Variants in RRP7A observed in about 807,000 individuals in gnomAD.
RRP7A encodes the protein ribosomal RNA processing 7 homolog A, also known as ribosomal RNA-processing protein 7 homolog A.
In RRP7A, 27 loss-of-function variants were observed where a neutral mutation model predicts 38.4. That is an observed-to-expected ratio of 0.70 (90% confidence interval 0.52 to 0.97). RRP7A has a LOEUF of 0.97. Among genes scored for constraint, RRP7A ranks in the 50% least tolerant of loss-of-function variants. The pLI, the probability that RRP7A is intolerant of heterozygous loss-of-function variation, is 0.00. For synonymous variants in RRP7A, 124 were observed against 150.3 expected, an observed-to-expected ratio of 0.83 and a Z score of 1.28; for missense variants, 327 against 375.4, an observed-to-expected ratio of 0.87 and a Z score of 1.07.
At chr22:42,519,579 A>G in intron 1 of RRP7A, 135 bp downstream of exon 1, 3 of 712,938 alleles carry the variant, frequency 4.2e-6, no homozygotes, top group Non-Finnish European at 4.1e-6. Flanking sequence ...AGACCTGCGG[A>G]GCCTGGGGCC....
At position 42,512,219 on chromosome 22, in the gene RRP7A, G is replaced by A. The variant is rs1932489066; in HGVS notation, c.*691C>T. 7.5e-6 allele frequency: 12 copies of A among 1,606,710 alleles called. No individual in the cohort carries two copies. The highest frequency in any genetic ancestry group is 2.7e-5 in the African/African-American group (2 of 74,542). ...GCTCCTTCTTACAGTGCACACACAC[G>A]CTCCCAGCCCAGCTGTAGCTCTGGG... On this transcript the variant is annotated 3_prime_UTR_variant, in exon 7 of 7. Coordinates refer to ENST00000323013, the MANE Select transcript of RRP7A (RefSeq NM_015703.5).
Position 42,512,766 on chromosome 22 carries a change from G to A in RRP7A, c.*144C>T, listed in dbSNP as rs374333098. 6 of 827,708 alleles carry A rather than the reference G, an allele frequency of 7.2e-6. No individual in the cohort carries two copies. In the East Asian group the frequency reaches 1.1e-4, roughly 15 times the overall value. 51.3% of individuals were successfully genotyped at this position (827,708 alleles called of 1,614,324 possible). A position where few individuals can be genotyped will look rare whatever the true frequency, so the allele number is the denominator to read the frequency against. On this transcript the variant is annotated 3_prime_UTR_variant, in exon 7 of 7. Coordinates refer to ENST00000323013, the MANE Select transcript of RRP7A (RefSeq NM_015703.5). ...GCCTGGTCCTTCCCTCCTGGCCTGT[G>A]TGGACTCTGATGGGGCTGTTGGACG...
At chr22:42,516,524 G>T (rs1397129257) in intron 2 of RRP7A, 1 of 362,700 alleles carries the variant, frequency 2.8e-6, no homozygotes, top group Non-Finnish European at 5.4e-6. Flanking sequence ...CGTTGGCCAG[G>T]CTGGTCTTGA....
In RRP7A at chr22:42,511,179, CTT is replaced by C. The variant is rs112453516; in HGVS notation, c.*1729_*1730del. ...CCATCATGCCCAGCTAATAGTCACA[CTT>C]TTTTTTTTTTTTTGAGATGGAGTCT... On this transcript the variant is annotated 3_prime_UTR_variant, in exon 7 of 7. Transcript: ENST00000323013. The C allele has an allele frequency of 9.0e-5, 13 of 144,872 alleles. No homozygotes were observed. The highest frequency in any genetic ancestry group is 1.4e-4 in the Non-Finnish European group (9 of 65,684). 9.0% of individuals were successfully genotyped at this position (144,872 alleles called of 1,614,324 possible). A position where few individuals can be genotyped will look rare whatever the true frequency, so the allele number is the denominator to read the frequency against.
Position 42,514,805 on chromosome 22 carries a change from G to C in RRP7A, c.461-26C>G, listed in dbSNP as rs930432705. ...CTGAGGAAAAGGGAGCCAGGGAAAC[G>C]GGGCTTCCTCAGGCCTGGCATTTGG... On this transcript the variant is annotated intron_variant, in intron 4 of 6. Transcript: ENST00000323013. 4.5e-6 allele frequency: 7 copies of C among 1,564,048 alleles called. No homozygotes were observed. In the African/African-American group the frequency reaches 7.0e-5, roughly 16 times the overall value.
chr22:42,517,202 C>T (rs932296176), intron 2 of RRP7A, among the ~76,000 whole-genome samples: 5 of 151,688 alleles, frequency 3.3e-5, no homozygotes, highest in Non-Finnish European at 5.9e-5. Flanking sequence ...CACTTGAACC[C>T]GGGAAGCGGA....
chr22:42,515,444 TC>T (rs1920927122), intron 3 of RRP7A, among the ~76,000 whole-genome samples, 176 bp from the exon 4 acceptor site: 1 of 152,210 alleles, frequency 6.6e-6, no homozygotes, highest in Non-Finnish European at 1.5e-5. Context: ...CAGCCACACT[TC>T]CAGTAATCCT....
rs557635202 is a variant in RRP7A at position 42,512,692 on chromosome 22, C to T, written c.*218G>A. The T allele has an allele frequency of 1.3e-5, 8 of 611,546 alleles. No individual in the cohort carries two copies. The highest frequency in any genetic ancestry group is 2.8e-5 in the East Asian group (1 of 36,126). The allele number at this position is 611,546 out of a possible 1,614,324, so 37.9% of individuals were successfully genotyped here. On this transcript the variant is annotated 3_prime_UTR_variant, in exon 7 of 7. Coordinates refer to ENST00000323013, the MANE Select transcript of RRP7A (RefSeq NM_015703.5). ...AAGCAGGAAGGACAAGTCCTCCTCTCGGCACGCCTGGGTCCCCAGGACTGC... is the reference window on the plus strand; with the variant it reads ...AAGCAGGAAGGACAAGTCCTCCTCTTGGCACGCCTGGGTCCCCAGGACTGC...
At position 42,512,622 on chromosome 22, in the gene RRP7A, G is replaced by A. The variant is rs1256848460; in HGVS notation, c.*288C>T. 1.0e-5 allele frequency: 6 copies of A among 571,572 alleles called. No individual in the cohort carries two copies. The highest frequency in any genetic ancestry group is 3.1e-5 in the Admixed American group (1 of 32,636). 35.4% of individuals were successfully genotyped at this position (571,572 alleles called of 1,614,324 possible). A position where few individuals can be genotyped will look rare whatever the true frequency, so the allele number is the denominator to read the frequency against. On this transcript the variant is annotated 3_prime_UTR_variant, in exon 7 of 7. Transcript: ENST00000323013. ...TTGCATTGAGGGAAAAGGAAGCACA[G>A]AACGGATTCATCCAGGGTCCTGGAG...
Position 42,512,516 on chromosome 22 carries a change from C to T in RRP7A, c.*394G>A. The T allele has an allele frequency of 3.6e-6, 2 of 549,326 alleles. No individual in the cohort carries two copies. The highest frequency in any genetic ancestry group is 6.5e-6 in the Non-Finnish European group (2 of 306,596). The allele number at this position is 549,326 out of a possible 1,614,324, so 34.0% of individuals were successfully genotyped here. On this transcript the variant is annotated 3_prime_UTR_variant, in exon 7 of 7. Coordinates refer to ENST00000323013, the MANE Select transcript of RRP7A (RefSeq NM_015703.5). ...GCGGGCTGGGCCCACCTAGCCTTTC[C>T]CTGCTGCCCAACTGGATGGAAAATA...
chr22:42,518,731 A>G, intron 1 of RRP7A: 2 of 470,966 alleles, frequency 4.2e-6, no homozygotes, highest in Non-Finnish European at 8.8e-6. Context: ...TCTGGAGGCT[A>G]TATTGATGAG....
At position 42,508,991 on chromosome 22, in the gene RRP7A, C is replaced by T. The variant is rs779112828; in HGVS notation, c.*3919G>A. The T allele has an allele frequency of 5.6e-6, 9 of 1,612,738 alleles. No homozygotes were observed. The highest frequency in any genetic ancestry group is 3.3e-5 in the South Asian group (3 of 91,060). On this transcript the variant is annotated 3_prime_UTR_variant, in exon 7 of 7. Transcript: ENST00000323013. ...TTCGTGCCCACGAGAGTGCCTGTGC[C>T]TTGTGACGAGAATTCACCATGTTTT...
rs1932449600 is a variant in RRP7A at position 42,511,204 on chromosome 22, TCTCA to T, written c.*1702_*1705del. 4 of 147,930 alleles carry T rather than the reference TCTCA, an allele frequency of 2.7e-5. No homozygotes were observed. The highest frequency in any genetic ancestry group is 3.6e-3 in the Middle Eastern group (1 of 280). 9.2% of individuals were successfully genotyped at this position (147,930 alleles called of 1,614,324 possible). ...CTTTTTTTTTTTTTTTGAGATGGAGTCTCACTCTGTCGCTCAGGCTGGAGTGCAG... is the reference window on the plus strand; with the variant it reads ...CTTTTTTTTTTTTTTTGAGATGGAGTCTCTGTCGCTCAGGCTGGAGTGCAG... On this transcript the variant is annotated 3_prime_UTR_variant, in exon 7 of 7. Coordinates refer to ENST00000323013, the MANE Select transcript of RRP7A (RefSeq NM_015703.5).
At chr22:42,518,792 AG>A (rs1356227820) in intron 1 of RRP7A, 1 of 467,384 alleles carries the variant, frequency 2.1e-6, no homozygotes, top group Non-Finnish European at 4.5e-6. Flanking sequence ...TCATAAAGCT[AG>A]GAACTGCTTC....
rs61752533 is a variant in RRP7A at position 42,511,893 on chromosome 22, G to A, written c.*1017C>T. 300 of 599,846 alleles carry A rather than the reference G, an allele frequency of 5.0e-4. 1 individual carries two copies. The highest frequency in any genetic ancestry group is 4.4e-3 in the African/African-American group (237 of 53,788). The allele number at this position is 599,846 out of a possible 1,614,324, so 37.2% of individuals were successfully genotyped here. A position where few individuals can be genotyped will look rare whatever the true frequency, so the allele number is the denominator to read the frequency against. On this transcript the variant is annotated 3_prime_UTR_variant, in exon 7 of 7. Transcript: ENST00000323013. ...TGCCATGCAACTTCACAACTCAGCT[G>A]GCCTAGACCCCTGGGAGGCCTCCAA...
In RRP7A at chr22:42,510,955, T is replaced by A; in HGVS notation, c.*1955A>T. On this transcript the variant is annotated 3_prime_UTR_variant, in exon 7 of 7. Transcript: ENST00000323013. ...CCTTTGGTGGGGAGGTTCTTTACCA[T>A]CCTCAAGTACCCACCCCTCCTTCTT... 1 of 261,538 alleles carries A rather than the reference T, an allele frequency of 3.8e-6. No homozygotes were observed. The highest frequency in any genetic ancestry group is 6.3e-6 in the Non-Finnish European group (1 of 158,714). 16.2% of individuals were successfully genotyped at this position (261,538 alleles called of 1,614,324 possible).
In RRP7A at chr22:42,516,059, CTCAGCCAGG is replaced by C; in HGVS notation, c.285_293del (p.Asp95_Ala97del). 1.2e-6 allele frequency: 2 copies of C among 1,612,522 alleles called. No homozygotes were observed. The highest frequency in any genetic ancestry group is 1.7e-6 in the Non-Finnish European group (2 of 1,179,112). ...ACTTCGACCTTGACTCCTTTGGGCT[CTCAGCCAGG>C]TCCGGCTTCTCCTGCAACTCTACAG... On this transcript the variant is annotated inframe_deletion, in exon 3 of 7. Coordinates refer to ENST00000323013, the MANE Select transcript of RRP7A (RefSeq NM_015703.5).
chr22:42,517,105 TTGTCTA>T (rs1920932009), intron 2 of RRP7A, among the ~76,000 whole-genome samples: 2 of 151,876 alleles, frequency 1.3e-5, no homozygotes, highest in Non-Finnish European at 2.9e-5. Context: ...TGGTGAAACC[TTGTCTA>T]TACTAACAAT....
intron 2 of RRP7A, 51 bp downstream of exon 2, chr22:42,517,954 G>A (rs754189343): frequency 2.7e-5 from 43 of 1,589,610 alleles, no homozygotes; most frequent in Admixed American, 1.1e-4. Context: ...GAGGCCATGG[G>A]AGCCCCCACC....
Sources: gnomAD v4.1 joint callset for allele counts (sites outside exome capture counted in the v4.1 genomes callset) on GRCh38, gnomAD v4.1.1 for gene constraint, MANE v1.5 for transcripts, NCBI Gene and HGNC (gene_info 2026-07-23, HGNC 2026-07-21) for gene names.